The following UBXN2B variants were observed in gnomAD, a reference collection of about 807,000 sequenced individuals.
The protein encoded by UBXN2B is UBX domain protein 2B, also known as UBX domain-containing protein 2B.
UBXN2B carries 19 observed loss-of-function variants against 37.5 expected under a neutral mutation model. The observed-to-expected ratio is 0.51, with a 90% CI of 0.35 to 0.74. The LOEUF (loss-of-function observed/expected upper bound fraction) is 0.74, where lower values mean the gene tolerates loss of function less well. UBXN2B is among the 30% of genes least tolerant of loss of function. The probability of loss-of-function intolerance (pLI) is 0.01; values close to 1 mark genes in which losing one functional copy is unlikely to be tolerated. For synonymous variants in UBXN2B, 145 were observed against 143.8 expected (o/e 1.01, Z -0.06); for missense variants, 370 against 393.2 (o/e 0.94, Z 0.50).
chr8:58,447,694 A>G lies in UBXN2B; in HGVS notation c.*143A>G, dbSNP rs114860212. On this transcript the variant is annotated 3_prime_UTR_variant, in exon 8 of 8. Coordinates refer to ENST00000399598, the MANE Select transcript of UBXN2B (RefSeq NM_001077619.2). ...GGTTTTATTGTTATTCTGTCTTCCAATCTGAATATAGACAAATTTGGATTA... is the reference window on the plus strand; with the variant it reads ...GGTTTTATTGTTATTCTGTCTTCCAGTCTGAATATAGACAAATTTGGATTA... The G allele has an allele frequency of 1.6e-3, 1,225 of 760,582 alleles. 7 individuals are homozygous for G. The African/African-American group carries it at 0.017, about 10-fold the overall frequency. The allele number at this position is 760,582 out of a possible 1,614,324, so 47.1% of individuals were successfully genotyped here. A position where few individuals can be genotyped will look rare whatever the true frequency, so the allele number is the denominator to read the frequency against.
chr8:58,424,466 A>G (rs1250681773), intron 2 of UBXN2B: 8 of 581,358 alleles, frequency 1.4e-5, no homozygotes, highest in Non-Finnish European at 2.5e-5. Flanking sequence ...GTAGTCAACC[A>G]CAATGCAAGC....
chr8:58,426,493 C>G (rs1808095270), intron 2 of UBXN2B: 1 of 711,076 alleles, frequency 1.4e-6, no homozygotes, highest in South Asian at 1.4e-5. Flanking sequence ...CAGGTGTGAA[C>G]CACCGTGACC....
intron 2 of UBXN2B, among the ~76,000 whole-genome samples, chr8:58,429,971 C>T (rs1209069997): frequency 6.6e-6 from 1 of 152,162 alleles, no homozygotes; most frequent in Non-Finnish European, 1.5e-5. Flanking sequence ...AAATTACTGT[C>T]TAAATTATTT....
intron 2 of UBXN2B, chr8:58,425,950 C>G (rs894418796): frequency 1.7e-5 from 24 of 1,409,702 alleles, no homozygotes; most frequent in East Asian, 9.1e-5. Context: ...GGCTCTGGCT[C>G]TCTCATACAA....
rs530009804 is a variant in UBXN2B at position 58,417,464 on chromosome 8, G to A, written c.188+511G>A. ...TTGAAGTCTGTCTCTTCTTCCTTTG[G>A]GTGATGATTCCTCTAATGTGTGACC... On this transcript the variant is annotated intron_variant, in intron 2 of 7. Transcript: ENST00000399598. Among the ~76,000 whole-genome samples the A allele has an allele frequency of 1.8e-3, 272 of 152,138 alleles. 1 individual carries two copies. The highest frequency in any genetic ancestry group is 6.2e-3 in the African/African-American group (257 of 41,494).
chr8:58,419,052 A>G (rs895488483), intron 2 of UBXN2B, among the ~76,000 whole-genome samples: 13 of 152,230 alleles, frequency 8.5e-5, no homozygotes, highest in Admixed American at 3.3e-4. Flanking sequence ...ATTAATAGGT[A>G]TAATTCAGTA....
At chr8:58,422,417 A>G (rs1807952590) in intron 2 of UBXN2B, among the ~76,000 whole-genome samples, 1 of 152,248 alleles carries the variant, frequency 6.6e-6, no homozygotes, top group Non-Finnish European at 1.5e-5. Context: ...ACTTCACAGC[A>G]AAGATGCCAC....
intron 6 of UBXN2B, among the ~76,000 whole-genome samples, chr8:58,444,801 C>A (rs968966036): frequency 5.3e-5 from 8 of 152,114 alleles, no homozygotes; most frequent in Non-Finnish European, 8.8e-5. Context: ...CAAATCAGTT[C>A]TAAAATTAGC....
rs1232388343 is a variant in UBXN2B, at chr8:58,411,450, C to A, written c.65C>A (p.Pro22Gln). The A allele has an allele frequency of 2.4e-6, 3 of 1,255,188 alleles. No individual in the cohort carries two copies. The highest frequency in any genetic ancestry group is 3.4e-5 in the South Asian group (1 of 29,822). The allele number at this position is 1,255,188 out of a possible 1,614,324, so 77.8% of individuals were successfully genotyped here. A position where few individuals can be genotyped will look rare whatever the true frequency, so the allele number is the denominator to read the frequency against. Residue 22 changes from proline to glutamine, a missense_variant, in exon 1 of 8, where the codon CCG becomes CAG. Around this residue, in one of 3 missense-constraint regions of UBXN2B, gnomAD observed 197 missense variants for 170.2 expected, o/e 1.16. Transcript: ENST00000399598. ...QERRSSGPRP[P>Q]SARDLQLALA... ...AGGAGGTCTTCCGGGCCGCGGCCTC[C>A]GAGCGCGCGGGATTTGCAGGTGAGG...
chr8:58,413,096 C>T (rs1018690035), intron 1 of UBXN2B, among the ~76,000 whole-genome samples: 5 of 152,142 alleles, frequency 3.3e-5, no homozygotes, highest in African/African-American at 7.2e-5. Context: ...GATCAAAGTA[C>T]GATTAATGTT....
rs989665505 is a variant in UBXN2B at position 58,448,580 on chromosome 8, T to C, written c.*1029T>C. ...TGCGTTGATCACATTCATTTATTCATTCAACACATTTTTCTAGGAAACTCA... is the reference window on the plus strand; with the variant it reads ...TGCGTTGATCACATTCATTTATTCACTCAACACATTTTTCTAGGAAACTCA... On this transcript the variant is annotated 3_prime_UTR_variant, in exon 8 of 8. Transcript: ENST00000399598. 6.9e-6 allele frequency: 1 copy of C among 145,434 alleles called. No individual in the cohort carries two copies. Among genetic ancestry groups the C allele is most frequent in the African/African-American group, 2.6e-5 (1 of 38,954 alleles). The allele number at this position is 145,434 out of a possible 1,614,324, so 9.0% of individuals were successfully genotyped here.
At chr8:58,426,579 CT>C in intron 2 of UBXN2B, 1 of 753,120 alleles carries the variant, frequency 1.3e-6, no homozygotes. Context: ...TCCAGGGTTA[CT>C]TTTACTAGGC....
At chr8:58,433,374 A>G in intron 4 of UBXN2B, 131 bp downstream of exon 4, 2 of 652,462 alleles carry the variant, frequency 3.1e-6, no homozygotes, top group Non-Finnish European at 5.1e-6. Context: ...TAAAAGGACC[A>G]ATGATGTGTG....
chr8:58,417,756 CTTCACCTATA>C (rs1807821762), intron 2 of UBXN2B, among the ~76,000 whole-genome samples: 1 of 152,124 alleles, frequency 6.6e-6, no homozygotes, highest in African/African-American at 2.4e-5. Context: ...ACTGTGTTTA[CTTCACCTATA>C]TTCACCAAGT....
At chr8:58,419,147 T>C (rs985177712) in intron 2 of UBXN2B, among the ~76,000 whole-genome samples, 4 of 152,230 alleles carry the variant, frequency 2.6e-5, no homozygotes, top group Admixed American at 2.0e-4. Context: ...TTAAAATATA[T>C]AGGTTGAGAC....
intron 5 of UBXN2B, among the ~76,000 whole-genome samples, chr8:58,435,611 G>C (rs1808392480): frequency 6.6e-6 from 1 of 152,140 alleles, no homozygotes; most frequent in Admixed American, 6.5e-5. Flanking sequence ...TGTAGAAATT[G>C]ATACTAATTT....
intron 2 of UBXN2B, among the ~76,000 whole-genome samples, chr8:58,429,122 G>A (rs1353067878): frequency 6.6e-6 from 1 of 152,164 alleles, no homozygotes; most frequent in Admixed American, 6.5e-5. Flanking sequence ...TTTGCGGTAA[G>A]GTCTTTCTCA....
intron 5 of UBXN2B, among the ~76,000 whole-genome samples, chr8:58,436,484 A>G (rs1439839150): frequency 6.6e-6 from 1 of 152,146 alleles, no homozygotes; most frequent in African/African-American, 2.4e-5. Flanking sequence ...GACATCCCCT[A>G]CCTCGACACT....
At chr8:58,424,676 G>T in intron 2 of UBXN2B, 1 of 1,266,836 alleles carries the variant, frequency 7.9e-7, no homozygotes, top group Non-Finnish European at 1.1e-6. Context: ...GCGTGGAGTT[G>T]GAGTACAAGG....
Sources: allele counts gnomAD v4.1 joint callset (sites outside exome capture counted in the v4.1 genomes callset), GRCh38; gene constraint gnomAD v4.1.1; regional missense constraint gnomAD v4.1.1; transcripts MANE v1.5; gene names NCBI Gene and HGNC (gene_info 2026-07-23, HGNC 2026-07-21).